Variants in SNX24 observed in about 807,000 individuals in gnomAD.
The protein encoded by SNX24 is sorting nexin 24.
Under a neutral mutation model 28.7 loss-of-function variants are expected in SNX24, and 22 were observed. The observed-to-expected ratio is 0.77, with a 90% CI of 0.55 to 1.10. SNX24 has a LOEUF of 1.10. Ranked by LOEUF, SNX24 falls within the 50% of genes least tolerant of loss-of-function variation. SNX24 has a pLI of 0.00. For synonymous variants in SNX24, 69 were observed against 71.5 expected, an observed-to-expected ratio of 0.96 and a Z score of 0.18; for missense variants, 221 against 201.1, an observed-to-expected ratio of 1.10 and a Z score of -0.60.
chr5:122,899,792 A>G (rs539238519), intron 1 of SNX24, among the ~76,000 whole-genome samples: 18 of 152,336 alleles, frequency 1.2e-4, no homozygotes, highest in African/African-American at 3.1e-4. Context: ...GAAGGAATGC[A>G]GTGAGCTCTT....
At chr5:122,952,322 A>T (rs549189447) in intron 3 of SNX24, among the ~76,000 whole-genome samples, 10 of 152,292 alleles carry the variant, frequency 6.6e-5, no homozygotes, top group African/African-American at 9.6e-5. Flanking sequence ...TGAATTTTTT[A>T]AAAAAAGAAT....
rs1287296951 is a variant in SNX24 at position 123,008,287 on chromosome 5, A to G, written c.*538A>G. 61 of 984,194 alleles carry G rather than the reference A, an allele frequency of 6.2e-5. No homozygotes were observed. The highest frequency in any genetic ancestry group is 7.0e-5 in the Non-Finnish European group (58 of 828,866). The allele number at this position is 984,194 out of a possible 1,614,324, so 61.0% of individuals were successfully genotyped here. A position where few individuals can be genotyped will look rare whatever the true frequency, so the allele number is the denominator to read the frequency against. The stretch of plus-strand genomic sequence containing the variant: ...ATGGAACTAAACTGGAAATTAAATT[A>G]TACTGACAATATTATGGCATTTTTA... On this transcript the variant is annotated 3_prime_UTR_variant, in exon 7 of 7. Transcript: ENST00000261369.
intron 3 of SNX24, among the ~76,000 whole-genome samples, chr5:122,986,039 G>A (rs183364601): frequency 1.3e-3 from 196 of 152,278 alleles, no homozygotes; most frequent in Admixed American, 4.7e-3. Flanking sequence ...AGTGGAAGAG[G>A]AGCTCCAGAG....
chr5:122,912,733 G>GT (rs1757945285), intron 1 of SNX24, among the ~76,000 whole-genome samples: 7 of 149,500 alleles, frequency 4.7e-5, no homozygotes, highest in Non-Finnish European at 1.0e-4. Flanking sequence ...TAATCATGTG[G>GT]GTTTTTTTTT....
chr5:122,891,172 GT>G, intron 1 of SNX24: 9 of 1,401,090 alleles, frequency 6.4e-6, no homozygotes, highest in South Asian at 5.1e-5. Flanking sequence ...TTTGTTTTTT[GT>G]TTTTTTTCCT....
intron 5 of SNX24, chr5:123,028,870 T>A: frequency 1.3e-6 from 2 of 1,594,242 alleles, no homozygotes; most frequent in Non-Finnish European, 1.7e-6. Flanking sequence ...ATATCCTTTC[T>A]AAAGAGATTA....
At chr5:122,891,138 G>A in intron 1 of SNX24, 2 of 1,461,366 alleles carry the variant, frequency 1.4e-6, no homozygotes, top group South Asian at 1.5e-5. Flanking sequence ...ATTTTTGACT[G>A]TAGAAAACTT....
At chr5:122,850,938 G>A (rs1754890526) in intron 1 of SNX24, among the ~76,000 whole-genome samples, 1 of 152,056 alleles carries the variant, frequency 6.6e-6, no homozygotes, top group African/African-American at 2.4e-5. Context: ...GAAGAGAGAG[G>A]GTGGAAGATG....
chr5:122,906,870 G>A (rs1194502726), intron 1 of SNX24, among the ~76,000 whole-genome samples: 1 of 151,970 alleles, frequency 6.6e-6, no homozygotes. Context: ...TAACTTGTTG[G>A]CCACAGAGTA....
At chr5:122,891,219 A>G (rs1328217652) in intron 1 of SNX24, 7 of 1,259,246 alleles carry the variant, frequency 5.6e-6, no homozygotes, top group Non-Finnish European at 7.3e-6. Flanking sequence ...TGGTTTAGGA[A>G]TGTTGACTTT....
At chr5:122,853,115 CTTTTTTTTTTTTTTTTT>C (rs10530519) in intron 1 of SNX24, among the ~76,000 whole-genome samples, 1 of 71,588 alleles carries the variant, frequency 1.4e-5, no homozygotes, top group South Asian at 6.1e-4. Flanking sequence ...GTTCTTTAGC[CTTTTTTTTTTTTTTTTT>C]TTTTTTTTTT....
At chr5:122,873,704 T>G (rs959169389) in intron 1 of SNX24, among the ~76,000 whole-genome samples, 3 of 152,098 alleles carry the variant, frequency 2.0e-5, no homozygotes, top group African/African-American at 4.8e-5. Flanking sequence ...GCCATCACTT[T>G]CGGTAGTTTT....
chr5:122,952,176 G>A (rs551209369), intron 3 of SNX24, among the ~76,000 whole-genome samples: 35 of 151,988 alleles, frequency 2.3e-4, no homozygotes, highest in Non-Finnish European at 2.9e-4. Context: ...TTCTATAATC[G>A]AACACATCTG....
At chr5:122,855,232 C>T (rs930804751) in intron 1 of SNX24, among the ~76,000 whole-genome samples, 8 of 152,008 alleles carry the variant, frequency 5.3e-5, no homozygotes, top group Admixed American at 1.3e-4. Context: ...CCACTATGCC[C>T]GCCTAATTTT....
intron 1 of SNX24, chr5:122,891,051 T>C (rs779787508): frequency 6.5e-7 from 1 of 1,527,914 alleles, no homozygotes; most frequent in South Asian, 1.3e-5. Context: ...GCATAGAGCC[T>C]TCCAGACAAA....
intron 3 of SNX24, among the ~76,000 whole-genome samples, chr5:122,965,142 T>A (rs1760665782): frequency 6.6e-6 from 1 of 152,262 alleles, no homozygotes; most frequent in Non-Finnish European, 1.5e-5. Flanking sequence ...TACATATCTC[T>A]TGCTAATTCT....
chr5:122,847,635 A>G (rs1213074675), intron 1 of SNX24, among the ~76,000 whole-genome samples: 1 of 151,856 alleles, frequency 6.6e-6, no homozygotes, highest in Non-Finnish European at 1.5e-5. Context: ...CTGGGACTAC[A>G]GGCACATGGC....
chr5:122,891,877 G>A (rs945753478), intron 1 of SNX24, among the ~76,000 whole-genome samples: 3 of 152,226 alleles, frequency 2.0e-5, no homozygotes, highest in Non-Finnish European at 4.4e-5. Flanking sequence ...TAAAATGTGT[G>A]TAAGTTGGAG....
chr5:122,946,844 G>C (rs1468585124), intron 3 of SNX24, among the ~76,000 whole-genome samples: 1 of 152,226 alleles, frequency 6.6e-6, no homozygotes. Context: ...CGAGTACTCA[G>C]TGTAGTCATC....
Sources: gnomAD v4.1 joint callset for allele counts (sites outside exome capture counted in the v4.1 genomes callset) on GRCh38, gnomAD v4.1.1 for gene constraint, MANE v1.5 for transcripts, NCBI Gene and HGNC (gene_info 2026-07-23, HGNC 2026-07-21) for gene names.